ZNF638: variants seen among roughly 807,000 people sequenced by gnomAD.
The protein encoded by ZNF638 is CTCL tumor antigen se33-1.
In ZNF638, 46 loss-of-function variants were observed where a neutral mutation model predicts 195.6. The observed-to-expected ratio is 0.24, with a 90% CI of 0.19 to 0.30. The LOEUF is 0.30. Ranked by LOEUF, ZNF638 falls within the 10% of genes least tolerant of loss-of-function variation. The pLI, the probability that ZNF638 is intolerant of heterozygous loss-of-function variation, is 1.00. For missense variants in ZNF638, 2,440 were observed against 2,325.3 expected (o/e 1.05, Z -1.01); for synonymous variants, 845 against 772.0 (o/e 1.09, Z -1.57).
intron 3 of ZNF638, among the ~76,000 whole-genome samples, chr2:71,360,550 C>T (rs1195743325): frequency 6.6e-6 from 1 of 151,910 alleles, no homozygotes; most frequent in Non-Finnish European, 1.5e-5. Flanking sequence ...GAATAGCCTA[C>T]TCTTTGTTTC....
At chr2:71,411,033 T>C (rs926715615) in intron 20 of ZNF638, among the ~76,000 whole-genome samples, 4 of 130,230 alleles carry the variant, frequency 3.1e-5, no homozygotes, top group Non-Finnish European at 6.3e-5. Flanking sequence ...AGCCTGGCTC[T>C]GTTGTCCAGG....
chr2:71,347,729 T>G (rs1354202096), intron 1 of ZNF638, among the ~76,000 whole-genome samples: 1 of 152,188 alleles, frequency 6.6e-6, no homozygotes, highest in African/African-American at 2.4e-5. Context: ...AGAAGAGTGT[T>G]GAAGGGGGTA....
At chr2:71,352,363 A>G (rs2104196450) in intron 2 of ZNF638, among the ~76,000 whole-genome samples, 1 of 152,152 alleles carries the variant, frequency 6.6e-6, no homozygotes, top group South Asian at 2.1e-4. Flanking sequence ...CTGTAATTCC[A>G]GCTACTCAGG....
In ZNF638 at chr2:71,428,537, C is replaced by T. The variant is rs773444412; in HGVS notation, c.5546-10C>T. 1.2e-6 allele frequency: 2 copies of T among 1,608,196 alleles called. No homozygotes were observed. The highest frequency in any genetic ancestry group is 2.2e-5 in the East Asian group (1 of 44,802). Reference sequence around the variant, plus strand: ...TACTAGAGCAATAAATTAGGACTTTCTTTTTAAAGCTAAAACTCCAACCAA... The same window carrying T: ...TACTAGAGCAATAAATTAGGACTTTTTTTTTAAAGCTAAAACTCCAACCAA... On this transcript the variant is annotated splice_polypyrimidine_tract_variant and intron_variant, in intron 24 of 27. Coordinates refer to ENST00000264447, the MANE Select transcript of ZNF638 (RefSeq NM_014497.5).
chr2:71,432,447 C>G (rs894008189), intron 26 of ZNF638, among the ~76,000 whole-genome samples: 1 of 152,184 alleles, frequency 6.6e-6, no homozygotes, highest in Non-Finnish European at 1.5e-5. Context: ...GCAGTCTGTC[C>G]GCCTTGGCCT....
At chr2:71,411,100 C>A (rs896392863) in intron 20 of ZNF638, among the ~76,000 whole-genome samples, 1 of 148,834 alleles carries the variant, frequency 6.7e-6, no homozygotes, top group African/African-American at 2.5e-5. Flanking sequence ...CGAGTTCAAG[C>A]AATTCTCCTG....
At chr2:71,382,855 A>G (rs1166486536) in intron 10 of ZNF638, among the ~76,000 whole-genome samples, 1 of 152,258 alleles carries the variant, frequency 6.6e-6, no homozygotes, top group Non-Finnish European at 1.5e-5. Context: ...AGTGTACAAA[A>G]TAAGGTAAAA....
chr2:71,396,682 C>T (rs1459143782), intron 11 of ZNF638, among the ~76,000 whole-genome samples: 5 of 152,184 alleles, frequency 3.3e-5, no homozygotes, highest in Non-Finnish European at 2.9e-5. Context: ...TGGTGGCTCA[C>T]GCCTATAATC....
intron 10 of ZNF638, among the ~76,000 whole-genome samples, chr2:71,382,872 T>C (rs2104360942): frequency 6.6e-6 from 1 of 152,348 alleles, no homozygotes; most frequent in African/African-American, 2.4e-5. Context: ...AAAAATGACT[T>C]ATTAAGTAGA....
chr2:71,424,406 T>G (rs1430313828), intron 22 of ZNF638, among the ~76,000 whole-genome samples: 1 of 152,200 alleles, frequency 6.6e-6, no homozygotes, highest in African/African-American at 2.4e-5. Context: ...GGTCACTGAT[T>G]GCCTAACTAG....
chr2:71,374,173 T>TTTTAAAATCA (rs2079374315), intron 8 of ZNF638: 1 of 152,218 alleles, frequency 6.6e-6, no homozygotes, highest in Admixed American at 6.5e-5. Flanking sequence ...TGCTAGTGCC[T>TTTTAAAATCA]AAAAGGTTTT....
chr2:71,338,312 C>G (rs2078706399), intron 1 of ZNF638, among the ~76,000 whole-genome samples: 1 of 152,224 alleles, frequency 6.6e-6, no homozygotes, highest in South Asian at 2.1e-4. Context: ...AGTAGGTACT[C>G]AGCACTCTAT....
intron 14 of ZNF638, 67 bp from the exon 15 acceptor site, chr2:71,400,411 T>C (rs2079983511): frequency 2.0e-6 from 3 of 1,465,710 alleles, no homozygotes; most frequent in African/African-American, 1.4e-5. Flanking sequence ...CTGTTTAACC[T>C]ATTGTGGAAT....
At position 71,350,258 on chromosome 2, in the gene ZNF638, G is replaced by A; in HGVS notation, c.1304G>A (p.Cys435Tyr). 1 of 1,599,862 alleles carries A rather than the reference G, an allele frequency of 6.3e-7. No individual in the cohort carries two copies. The highest frequency in any genetic ancestry group is 8.5e-7 in the Non-Finnish European group (1 of 1,179,002). The change falls in exon 2 of 28, where the codon TGT (cysteine) becomes TAT (tyrosine). Residue 435 changes from cysteine to tyrosine, a missense_variant. Physicochemically the swap from Cys to Tyr is radical, Grantham distance 194 (BLOSUM62 -2). Around this residue, in one of 5 missense-constraint regions of ZNF638, gnomAD observed 37 missense variants for 75.7 expected, o/e 0.49. Coordinates refer to ENST00000264447, the MANE Select transcript of ZNF638 (RefSeq NM_014497.5). ...TTGTGTTCTCTGTGTAACGTAGAAT[G>A]TAGTCATTTGAAGGTGAGTGTTTTT... ...PHLCSLCNVE[C>Y]SHLKDWIQHQ...
chr2:71,410,031 A>G (rs1275413377), intron 20 of ZNF638, among the ~76,000 whole-genome samples: 1 of 152,140 alleles, frequency 6.6e-6, no homozygotes, highest in African/African-American at 2.4e-5. Context: ...TCTAGATGTA[A>G]AATTCTGTGC....
intron 25 of ZNF638, 43 bp downstream of exon 25, chr2:71,428,694 C>A: frequency 6.7e-7 from 1 of 1,499,916 alleles, no homozygotes; most frequent in Non-Finnish European, 9.2e-7. Context: ...TTACACAACA[C>A]AGGAGAGTAG....
chr2:71,378,421 G>A (rs1481408790), intron 8 of ZNF638, among the ~76,000 whole-genome samples: 2 of 152,136 alleles, frequency 1.3e-5, no homozygotes, highest in Non-Finnish European at 2.9e-5. Flanking sequence ...TGACAAGAGT[G>A]CCCAAAAAGA....
At chr2:71,376,238 C>T (rs936322525) in intron 8 of ZNF638, 3 of 152,196 alleles carry the variant, frequency 2.0e-5, no homozygotes, top group African/African-American at 4.8e-5. Flanking sequence ...TAATGTTCTT[C>T]AGCTAAATGT....
At chr2:71,390,462 C>T (rs868847561) in intron 10 of ZNF638, among the ~76,000 whole-genome samples, 1 of 152,176 alleles carries the variant, frequency 6.6e-6, no homozygotes, top group East Asian at 1.9e-4. Flanking sequence ...TTAATGTGCT[C>T]ACCAGGGTAA....
Sources: allele counts gnomAD v4.1 joint callset (sites outside exome capture counted in the v4.1 genomes callset), GRCh38; gene constraint gnomAD v4.1.1; regional missense constraint gnomAD v4.1.1; transcripts MANE v1.5; gene names NCBI Gene and HGNC (gene_info 2026-07-23, HGNC 2026-07-21).